The following DIO2 variants were observed in gnomAD, a reference collection of about 807,000 sequenced individuals.
DIO2 encodes type II iodothyronine deiodinase.
A neutral mutation model predicts 21.4 loss-of-function variants in DIO2; 19 were observed. That is an observed-to-expected ratio of 0.89 (90% CI 0.62 to 1.30). DIO2 has a LOEUF of 1.30. Among genes scored for constraint, DIO2 ranks in the 50% most tolerant of loss-of-function variants. The pLI, the probability that DIO2 is intolerant of heterozygous loss-of-function variation, is 0.00. For missense variants in DIO2, 302 were observed against 338.1 expected, an observed-to-expected ratio of 0.89 and a Z score of 0.84; for synonymous variants, 122 against 132.9, an observed-to-expected ratio of 0.92 and a Z score of 0.57.
In DIO2 at chr14:80,207,276, T is replaced by A. The variant is rs370868595; in HGVS notation, c.222+3975A>T. Among the ~76,000 whole-genome samples, 10 of 152,314 alleles carry A rather than the reference T, an allele frequency of 6.6e-5. No individual in the cohort carries two copies. The South Asian group carries it at 1.9e-3, about 28-fold the overall frequency. On this transcript the variant is annotated intron_variant, in intron 1 of 1. Coordinates refer to ENST00000438257, the MANE Select transcript of DIO2 (RefSeq NM_013989.5). ...ATTTGATTCCCTTGATGATGTTCAG[T>A]GTTCAGTGCATGGGGAAAAAGGAAA...
In DIO2 at chr14:80,201,681, C is replaced by T. The variant is rs771627084; in HGVS notation, c.*1008G>A. 6.6e-6 allele frequency: 1 copy of T among 151,998 alleles called. No individual in the cohort carries two copies. The highest frequency in any genetic ancestry group is 1.5e-5 in the Non-Finnish European group (1 of 68,000). The allele number at this position is 151,998 out of a possible 1,614,324, so 9.4% of individuals were successfully genotyped here. On this transcript the variant is annotated 3_prime_UTR_variant, in exon 2 of 2. Transcript: ENST00000438257. ...ATAGGTATCATGGGGTATAATTAAC[C>T]CACTGAAAATATACATACCACATAC...
intron 1 of DIO2, chr14:80,206,472 C>T (rs571403465): frequency 5.1e-5 from 28 of 548,034 alleles, no homozygotes; most frequent in Admixed American, 3.4e-4. Flanking sequence ...CCTAATAGAC[C>T]AGAGTTTCAA....
intron 2 of DIO2, among the ~76,000 whole-genome samples, chr14:80,219,749 A>T (rs1427424498): frequency 6.6e-6 from 1 of 152,166 alleles, no homozygotes; most frequent in Non-Finnish European, 1.5e-5. Context: ...GAATTACCCA[A>T]ATCTGTGTGA....
rs981585107 is a variant in DIO2, at chr14:80,198,172, C to G, written c.*4517G>C. 1 of 152,522 alleles carries G rather than the reference C, an allele frequency of 6.6e-6. No homozygotes were observed. The highest frequency in any genetic ancestry group is 1.5e-5 in the Non-Finnish European group (1 of 68,038). The allele number at this position is 152,522 out of a possible 1,614,324, so 9.4% of individuals were successfully genotyped here. A position where few individuals can be genotyped will look rare whatever the true frequency, so the allele number is the denominator to read the frequency against. ...GAGGGGGAGAAGTGGAGGGTTTGAGCCAAAATAGTGACTTCATTAAACATC... is the reference window on the plus strand; with the variant it reads ...GAGGGGGAGAAGTGGAGGGTTTGAGGCAAAATAGTGACTTCATTAAACATC... On this transcript the variant is annotated 3_prime_UTR_variant, in exon 2 of 2. Coordinates refer to ENST00000438257, the MANE Select transcript of DIO2 (RefSeq NM_013989.5).
chr14:80,224,208 C>T (rs1009159463), intron 2 of DIO2, among the ~76,000 whole-genome samples: 3 of 152,038 alleles, frequency 2.0e-5, no homozygotes, highest in Admixed American at 6.6e-5. Context: ...AAGCAAATTG[C>T]CAAAGGTCAC....
chr14:80,215,199 T>A (rs1888323499), upstream of DIO2, among the ~76,000 whole-genome samples: 2 of 152,226 alleles, frequency 1.3e-5, no homozygotes, highest in African/African-American at 4.8e-5. Context: ...CCACACGGGT[T>A]TTAAATTCCA....
At chr14:80,226,195 G>C (rs1282275102) in intron 2 of DIO2, among the ~76,000 whole-genome samples, 1 of 152,130 alleles carries the variant, frequency 6.6e-6, no homozygotes, top group African/African-American at 2.4e-5. Flanking sequence ...CCACAGTCCT[G>C]CAAAGTATTG....
rs753478896 is a variant in DIO2 at position 80,202,020 on chromosome 14, C to T, written c.*669G>A. ...AATTTCATTTCTTTTTTACCACTCT[C>T]TCCACCTGCCTAGAAATTAACCCTC... On this transcript the variant is annotated 3_prime_UTR_variant, in exon 2 of 2. Coordinates refer to ENST00000438257, the MANE Select transcript of DIO2 (RefSeq NM_013989.5). 149 of 190,664 alleles carry T rather than the reference C, an allele frequency of 7.8e-4. No homozygotes were observed. The highest frequency in any genetic ancestry group is 1.1e-3 in the Non-Finnish European group (104 of 92,352). The allele number at this position is 190,664 out of a possible 1,614,324, so 11.8% of individuals were successfully genotyped here.
intron 1 of DIO2, among the ~76,000 whole-genome samples, chr14:80,204,884 T>C (rs1219729124): frequency 1.3e-5 from 2 of 152,184 alleles, no homozygotes; most frequent in East Asian, 1.9e-4. Flanking sequence ...GCAGGGAAGG[T>C]TTGAAATAAG....
rs1220367634 is a variant in DIO2, at chr14:80,199,642, G to C, written c.*3047C>G. On this transcript the variant is annotated 3_prime_UTR_variant, in exon 2 of 2. Transcript: ENST00000438257. ...CAATAAATAAAGTCAGTTTTTGATA[G>C]GTCCAAGACATAAGTCTTTCAAACA... The C allele has an allele frequency of 5.2e-5, 8 of 152,518 alleles. No individual in the cohort carries two copies. The highest frequency in any genetic ancestry group is 1.0e-4 in the Non-Finnish European group (7 of 68,026). The allele number at this position is 152,518 out of a possible 1,614,324, so 9.4% of individuals were successfully genotyped here. A position where few individuals can be genotyped will look rare whatever the true frequency, so the allele number is the denominator to read the frequency against.
intron 1 of DIO2, among the ~76,000 whole-genome samples, chr14:80,203,654 T>C (rs1298066726): frequency 1.3e-5 from 2 of 152,254 alleles, no homozygotes; most frequent in African/African-American, 4.8e-5. Context: ...ATTAATTGAC[T>C]TCATTTTAAA....
chr14:80,203,195 T>C lies in DIO2; in HGVS notation c.316A>G (p.Ile106Val). ...DNSGNGTQEKIAEGATCHLLD... is the reference protein window; with the variant it reads ...DNSGNGTQEKVAEGATCHLLD... ...AGGTGGCATGTGGCTCCCTCAGCTA[T>C]CTTCTCCTGGGTACCATTGCCACTG... The change falls in exon 2 of 2, where the codon ATA (isoleucine) becomes GTA (valine). Residue 106 changes from isoleucine (I) to valine (V), a missense_variant. Coordinates refer to ENST00000438257, the MANE Select transcript of DIO2 (RefSeq NM_013989.5). 6.2e-7 allele frequency: 1 copy of C among 1,609,952 alleles called. No homozygotes were observed. The highest frequency in any genetic ancestry group is 8.5e-7 in the Non-Finnish European group (1 of 1,178,120).
chr14:80,227,874 C>G (rs1487425924), intron 2 of DIO2, among the ~76,000 whole-genome samples: 2 of 152,198 alleles, frequency 1.3e-5, no homozygotes, highest in Non-Finnish European at 2.9e-5. Flanking sequence ...ACCCACTAGG[C>G]GTTGTGCCTC....
chr14:80,212,489 C>T (rs1049952591), upstream of DIO2, among the ~76,000 whole-genome samples: 10 of 152,022 alleles, frequency 6.6e-5, no homozygotes, highest in Admixed American at 6.6e-4. Context: ...ATATGGCCAA[C>T]ACTCTCTCTT....
upstream of DIO2, among the ~76,000 whole-genome samples, chr14:80,212,982 T>G (rs1888262668): frequency 6.6e-6 from 1 of 152,216 alleles, no homozygotes; most frequent in Non-Finnish European, 1.5e-5. Flanking sequence ...AAATTATTAA[T>G]GAAAGCTCTT....
chr14:80,214,960 T>C (rs1888317651), upstream of DIO2, among the ~76,000 whole-genome samples: 1 of 152,336 alleles, frequency 6.6e-6, no homozygotes, highest in Middle Eastern at 3.4e-3. Flanking sequence ...ACCAAAACCC[T>C]TGTTGAAAGT....
chr14:80,211,512 T>C, upstream of DIO2: 1 of 1,214,330 alleles, frequency 8.2e-7, no homozygotes, highest in Non-Finnish European at 1.1e-6. Context: ...TGCGCTCTGG[T>C]TCCCCTTCAC....
At chr14:80,227,318 T>C (rs927189902) in intron 2 of DIO2, among the ~76,000 whole-genome samples, 2 of 152,206 alleles carry the variant, frequency 1.3e-5, no homozygotes, top group African/African-American at 4.8e-5. Flanking sequence ...TTTGAGCCAC[T>C]TTCTCACGTA....
chr14:80,214,470 T>TTTTA (rs1292245071), upstream of DIO2, among the ~76,000 whole-genome samples: 5 of 152,332 alleles, frequency 3.3e-5, no homozygotes, highest in South Asian at 2.1e-4. Flanking sequence ...TTTTGTTTCT[T>TTTTA]TTTATTTATT....
Sources: gnomAD v4.1 joint callset for allele counts (sites outside exome capture counted in the v4.1 genomes callset) on GRCh38, gnomAD v4.1.1 for gene constraint, MANE v1.5 for transcripts, NCBI Gene and HGNC (gene_info 2026-07-23, HGNC 2026-07-21) for gene names.